Variants in MRPS28 observed in about 807,000 individuals in gnomAD.
The protein encoded by MRPS28 is mitochondrial ribosomal protein S28.
Under a neutral mutation model 10.8 loss-of-function variants are expected in MRPS28, and 7 were observed. The observed-to-expected ratio is 0.65, with a 90% CI of 0.37 to 1.22. The LOEUF is 1.22. MRPS28 is among the 50% of genes most tolerant of loss of function. The pLI, the probability that MRPS28 is intolerant of heterozygous loss-of-function variation, is 0.02. For missense variants in MRPS28, 265 were observed against 232.9 expected (o/e 1.14, Z -0.90); for synonymous variants, 121 against 93.3 (o/e 1.30, Z -1.71).
chr8:80,020,716 G>A (rs1020858814), intron 1 of MRPS28, among the ~76,000 whole-genome samples: 1 of 152,124 alleles, frequency 6.6e-6, no homozygotes, highest in Non-Finnish European at 1.5e-5. Flanking sequence ...AACCAAGAAA[G>A]CAAGCAAGAA....
chr8:79,920,694 T>G (rs1024608270), intron 2 of MRPS28, among the ~76,000 whole-genome samples: 8 of 152,246 alleles, frequency 5.3e-5, no homozygotes, highest in Non-Finnish European at 1.2e-4. Flanking sequence ...ATTAGCCCTT[T>G]GTCAGAGGAG....
chr8:79,987,367 A>T (rs545267195), intron 2 of MRPS28, among the ~76,000 whole-genome samples: 1 of 152,310 alleles, frequency 6.6e-6, no homozygotes, highest in East Asian at 1.9e-4. Context: ...TAGGCATGGA[A>T]AAGGACTTCA....
Position 79,951,450 on chromosome 8 carries a change from C to T in MRPS28, c.396-32302G>A, listed in dbSNP as rs374585885. Among the ~76,000 whole-genome samples the T allele has an allele frequency of 5.3e-4, 81 of 152,280 alleles. 1 individual carries two copies. The highest frequency in any genetic ancestry group is 1.9e-3 in the African/African-American group (79 of 41,558). On this transcript the variant is annotated intron_variant, in intron 2 of 2. Coordinates refer to ENST00000276585, the MANE Select transcript of MRPS28 (RefSeq NM_014018.3). ...GCATCCTGGCACACAGGCAGCAATC[C>T]CTTGGGTTGTCCTCCACTGTGGGTT...
chr8:79,969,681 G>A (rs1284664302), intron 2 of MRPS28, among the ~76,000 whole-genome samples: 1 of 151,794 alleles, frequency 6.6e-6, no homozygotes, highest in African/African-American at 2.4e-5. Flanking sequence ...TCTGAGACCA[G>A]CCTGGGCAAA....
chr8:80,006,423 A>C (rs1246374555), intron 1 of MRPS28, among the ~76,000 whole-genome samples: 2 of 152,248 alleles, frequency 1.3e-5, no homozygotes, highest in Non-Finnish European at 2.9e-5. Context: ...CTAAGATCAG[A>C]GCAGAACTGA....
chr8:79,995,800 T>A (rs975518909), intron 2 of MRPS28, among the ~76,000 whole-genome samples: 1 of 152,160 alleles, frequency 6.6e-6, no homozygotes, highest in Non-Finnish European at 1.5e-5. Context: ...GCTAGGTCCT[T>A]ACTCAAACCC....
At chr8:80,026,042 A>T (rs1809486485) in intron 1 of MRPS28, among the ~76,000 whole-genome samples, 1 of 152,206 alleles carries the variant, frequency 6.6e-6, no homozygotes, top group Non-Finnish European at 1.5e-5. Flanking sequence ...CATTTCACAT[A>T]ATAACCTGCA....
intron 2 of MRPS28, among the ~76,000 whole-genome samples, chr8:79,961,894 A>C: frequency 6.6e-6 from 1 of 152,190 alleles, no homozygotes; most frequent in East Asian, 1.9e-4. Context: ...TCTAAGGATT[A>C]AAATACTGAC....
intron 1 of MRPS28, among the ~76,000 whole-genome samples, chr8:80,008,689 G>T (rs1170181002): frequency 2.0e-5 from 3 of 152,204 alleles, no homozygotes; most frequent in Non-Finnish European, 4.4e-5. Context: ...ACCATCACTG[G>T]CCATCAGAGA....
chr8:80,030,191 ACACT>A lies in MRPS28; in HGVS notation c.54_57del (p.Val19PhefsTer10). On this transcript the variant is annotated frameshift_variant, in exon 1 of 3. Transcript: ENST00000276585. LOFTEE classifies it high-confidence loss of function. The stretch of plus-strand genomic sequence containing the variant: ...CCCCGAAAGGGCCTGAAGAAGAGAA[ACACT>A]CGCAGAAAATGGCTCTCGGCAGCCA... 1 of 1,614,202 alleles carries A rather than the reference ACACT, an allele frequency of 6.2e-7. No homozygotes were observed. The highest frequency in any genetic ancestry group is 8.5e-7 in the Non-Finnish European group (1 of 1,180,030).
intron 2 of MRPS28, among the ~76,000 whole-genome samples, chr8:79,943,549 A>C (rs1052943051): frequency 1.3e-5 from 2 of 152,240 alleles, no homozygotes; most frequent in African/African-American, 4.8e-5. Flanking sequence ...TGATTTTCTA[A>C]CATGAGCACT....
chr8:79,945,101 T>C (rs1032612952), intron 2 of MRPS28, among the ~76,000 whole-genome samples: 1 of 152,298 alleles, frequency 6.6e-6, no homozygotes, highest in Middle Eastern at 3.4e-3. Flanking sequence ...TAGGAACATA[T>C]GACTTTACAT....
intron 2 of MRPS28, among the ~76,000 whole-genome samples, chr8:79,997,889 C>T (rs1414196657): frequency 2.0e-5 from 3 of 151,700 alleles, no homozygotes; most frequent in African/African-American, 7.3e-5. Context: ...ACCCTGTCTC[C>T]ACTAAAAATA....
chr8:79,998,701 T>A (rs1468298099), intron 2 of MRPS28, among the ~76,000 whole-genome samples: 6 of 152,166 alleles, frequency 3.9e-5, no homozygotes, highest in Non-Finnish European at 7.3e-5. Context: ...ATAAGCAATA[T>A]CTTATGCTTT....
At chr8:79,982,209 T>G (rs1295338656) in intron 2 of MRPS28, among the ~76,000 whole-genome samples, 1 of 152,090 alleles carries the variant, frequency 6.6e-6, no homozygotes, top group African/African-American at 2.4e-5. Context: ...ATCGCACCAC[T>G]GCATTCCAGC....
intron 2 of MRPS28, among the ~76,000 whole-genome samples, chr8:79,945,046 T>C (rs113631517): frequency 5.3e-5 from 8 of 152,148 alleles, no homozygotes; most frequent in Non-Finnish European, 1.2e-4. Context: ...ATATGACTAT[T>C]ATTATCAAGA....
chr8:79,940,000 T>G (rs920090177), intron 2 of MRPS28, among the ~76,000 whole-genome samples: 1 of 150,914 alleles, frequency 6.6e-6, no homozygotes, highest in African/African-American at 2.4e-5. Context: ...AAGAAATATA[T>G]ATCAATAAGG....
intron 2 of MRPS28, among the ~76,000 whole-genome samples, chr8:80,002,166 TACAGTAG>T (rs1360745668): frequency 6.6e-6 from 1 of 152,172 alleles, no homozygotes; most frequent in Non-Finnish European, 1.5e-5. Context: ...CTCCTAGGTC[TACAGTAG>T]ACTCTTCGCC....
chr8:79,963,046 C>A (rs2130011050), intron 2 of MRPS28, among the ~76,000 whole-genome samples: 1 of 152,194 alleles, frequency 6.6e-6, no homozygotes, highest in South Asian at 2.1e-4. Context: ...AACCCGCAGG[C>A]AAGCAAGGAA....
Sources: allele counts gnomAD v4.1 joint callset (sites outside exome capture counted in the v4.1 genomes callset), GRCh38; gene constraint gnomAD v4.1.1; transcripts MANE v1.5; gene names NCBI Gene and HGNC (gene_info 2026-07-23, HGNC 2026-07-21).